ATP1B3: variants seen among roughly 807,000 people sequenced by gnomAD.
The protein encoded by ATP1B3 is ATPase Na+/K+ transporting subunit beta 3.
Under a neutral mutation model 30.2 loss-of-function variants are expected in ATP1B3, and 10 were observed. The ratio of observed to expected loss-of-function variants is 0.33; its 90% CI spans 0.20 to 0.56. The LOEUF (loss-of-function observed/expected upper bound fraction) is 0.56. ATP1B3 is among the 20% of genes least tolerant of loss of function. ATP1B3 has a pLI of 0.90. For missense variants in ATP1B3, 238 were observed against 336.7 expected, an observed-to-expected ratio of 0.71 and a Z score of 2.29; for synonymous variants, 113 against 117.0, an observed-to-expected ratio of 0.97 and a Z score of 0.22.
intron 1 of ATP1B3, among the ~76,000 whole-genome samples, chr3:141,889,071 GAGA>G (rs1933886499): frequency 1.1e-5 from 1 of 90,460 alleles, no homozygotes; most frequent in Non-Finnish European, 2.5e-5. Flanking sequence ...ATGGTGGCAG[GAGA>G]GAGAGAGAGC....
intron 1 of ATP1B3, among the ~76,000 whole-genome samples, chr3:141,880,946 T>C (rs1933708944): frequency 6.6e-6 from 1 of 152,340 alleles, no homozygotes; most frequent in Non-Finnish European, 1.5e-5. Context: ...GGCTCATGCC[T>C]GTAATCCCAG....
intron 1 of ATP1B3, among the ~76,000 whole-genome samples, chr3:141,899,850 CAA>C (rs1489477396): frequency 2.6e-5 from 4 of 152,028 alleles, no homozygotes; most frequent in Non-Finnish European, 5.9e-5. Flanking sequence ...GCCTAGGCAA[CAA>C]GAGAGAAACT....
chr3:141,896,983 CTGGG>C (rs1418984372), intron 1 of ATP1B3, among the ~76,000 whole-genome samples: 1 of 152,168 alleles, frequency 6.6e-6, no homozygotes, highest in Non-Finnish European at 1.5e-5. Context: ...CAAGAGCAGC[CTGGG>C]TGTGGAGGCT....
chr3:141,903,509 G>T, intron 1 of ATP1B3, 111 bp from the exon 2 acceptor site: 1 of 1,486,494 alleles, frequency 6.7e-7, no homozygotes, highest in Non-Finnish European at 9.1e-7. Flanking sequence ...GCATGGCAAA[G>T]CTTGGGATCG....
At chr3:141,912,519 C>T (rs908895676) in intron 3 of ATP1B3, among the ~76,000 whole-genome samples, 1 of 152,164 alleles carries the variant, frequency 6.6e-6, no homozygotes, top group Non-Finnish European at 1.5e-5. Flanking sequence ...CCTCGGCCTC[C>T]CAAAGTGCTG....
At chr3:141,895,510 T>G (rs1934048875) in intron 1 of ATP1B3, among the ~76,000 whole-genome samples, 2 of 152,128 alleles carry the variant, frequency 1.3e-5, no homozygotes, top group African/African-American at 2.4e-5. Flanking sequence ...TTAGCATAAT[T>G]ATTTTGAGAT....
intron 1 of ATP1B3, chr3:141,902,257 T>C (rs1337753977): frequency 8.0e-7 from 1 of 1,251,868 alleles, no homozygotes; most frequent in Non-Finnish European, 1.0e-6. Context: ...AGAATGCTAG[T>C]CTAAATTATA....
At chr3:141,891,908 T>C (rs1348184036) in intron 1 of ATP1B3, among the ~76,000 whole-genome samples, 3 of 151,950 alleles carry the variant, frequency 2.0e-5, no homozygotes, top group Non-Finnish European at 4.4e-5. Flanking sequence ...TTTTTTAATG[T>C]TTTTTAGTTT....
intron 1 of ATP1B3, among the ~76,000 whole-genome samples, chr3:141,880,732 CTG>C (rs771193548): frequency 3.3e-5 from 5 of 152,104 alleles, no homozygotes; most frequent in Non-Finnish European, 5.9e-5. Flanking sequence ...CCAGTGTAAA[CTG>C]TATTTGTTAC....
intron 3 of ATP1B3, among the ~76,000 whole-genome samples, 155 bp downstream of exon 3, chr3:141,907,429 T>C (rs1278985285): frequency 6.6e-6 from 1 of 152,078 alleles, no homozygotes; most frequent in Non-Finnish European, 1.5e-5. Context: ...GTCTTGGACC[T>C]GGCCAACATG....
intron 1 of ATP1B3, among the ~76,000 whole-genome samples, chr3:141,892,451 A>G: frequency 6.6e-6 from 1 of 152,134 alleles, no homozygotes; most frequent in Middle Eastern, 3.4e-3. Context: ...TATTATTACC[A>G]CTTTTAAATT....
intron 1 of ATP1B3, among the ~76,000 whole-genome samples, chr3:141,901,303 A>G (rs563452036): frequency 8.0e-4 from 122 of 152,360 alleles, no homozygotes; most frequent in African/African-American, 2.8e-3. Flanking sequence ...AGCAAACTAC[A>G]TCTGAGTAAC....
intron 1 of ATP1B3, among the ~76,000 whole-genome samples, chr3:141,884,660 G>C (rs2107763986): frequency 6.6e-6 from 1 of 152,292 alleles, no homozygotes; most frequent in Middle Eastern, 3.4e-3. Flanking sequence ...GAAAAGGAGA[G>C]ACTGGCCCTA....
chr3:141,892,727 AAC>A (rs1454714195), intron 1 of ATP1B3, among the ~76,000 whole-genome samples: 1 of 152,024 alleles, frequency 6.6e-6, no homozygotes, highest in African/African-American at 2.4e-5. Context: ...GTAAAATACA[AAC>A]ACAGTGACAA....
chr3:141,914,594 T>C (rs1301704048), intron 4 of ATP1B3, among the ~76,000 whole-genome samples: 3 of 152,182 alleles, frequency 2.0e-5, no homozygotes, highest in African/African-American at 7.2e-5. Context: ...CGCTTACTGT[T>C]TTGAGGCCTG....
At chr3:141,876,990 C>A (rs1933609871) in intron 1 of ATP1B3, 80 bp downstream of exon 1, 2 of 1,127,098 alleles carry the variant, frequency 1.8e-6, no homozygotes, top group Middle Eastern at 3.2e-4. Flanking sequence ...AACGGAAAGG[C>A]GGGAGGCGGC....
chr3:141,882,349 A>G (rs1357437117), intron 1 of ATP1B3, among the ~76,000 whole-genome samples: 1 of 152,078 alleles, frequency 6.6e-6, no homozygotes, highest in African/African-American at 2.4e-5. Context: ...TCTTTTTCCT[A>G]TGTATAAATA....
intron 2 of ATP1B3, 101 bp from the exon 3 acceptor site, chr3:141,907,066 A>T: frequency 1.3e-6 from 1 of 790,360 alleles, no homozygotes; most frequent in Non-Finnish European, 1.9e-6. Context: ...TACTGTCAAC[A>T]CAATTTTCCA....
At chr3:141,892,113 T>C (rs1433208216) in intron 1 of ATP1B3, among the ~76,000 whole-genome samples, 1 of 152,172 alleles carries the variant, frequency 6.6e-6, no homozygotes, top group Admixed American at 6.5e-5. Flanking sequence ...TGTTAACATC[T>C]CTGGTCATGA....
Sources: gnomAD v4.1 joint callset for allele counts (sites outside exome capture counted in the v4.1 genomes callset) on GRCh38, gnomAD v4.1.1 for gene constraint, MANE v1.5 for transcripts, NCBI Gene and HGNC (gene_info 2026-07-23, HGNC 2026-07-21) for gene names.